The following PPP2R2B variants were observed in gnomAD, a reference collection of about 807,000 sequenced individuals.
PPP2R2B encodes protein phosphatase 2 regulatory subunit Bbeta.
A neutral mutation model predicts 46.0 loss-of-function variants in PPP2R2B; 5 were observed. That is an observed-to-expected ratio of 0.11 (90% CI 0.06 to 0.23). The LOEUF (loss-of-function observed/expected upper bound fraction) is 0.23, where lower values mean the gene tolerates loss of function less well. PPP2R2B is among the 10% of genes least tolerant of loss of function. The pLI is 1.00. For missense variants in PPP2R2B, 367 were observed against 575.0 expected (o/e 0.64, Z 3.70); for synonymous variants, 215 against 206.7 (o/e 1.04, Z -0.34).
At chr5:146,971,720 T>C (rs999805081) in intron 1 of PPP2R2B, among the ~76,000 whole-genome samples, 4 of 152,214 alleles carry the variant, frequency 2.6e-5, no homozygotes, top group Admixed American at 6.5e-5. Context: ...TGAAATACTG[T>C]TTTCCTACAG....
intron 2 of PPP2R2B, among the ~76,000 whole-genome samples, chr5:146,713,103 A>G (rs1780299120): frequency 6.6e-6 from 1 of 152,190 alleles, no homozygotes; most frequent in Non-Finnish European, 1.5e-5. Context: ...CAGGACTGGC[A>G]TTTTCAGGGA....
chr5:146,717,967 T>A (rs1195244955), intron 2 of PPP2R2B, among the ~76,000 whole-genome samples: 2 of 152,232 alleles, frequency 1.3e-5, no homozygotes, highest in Non-Finnish European at 2.9e-5. Context: ...CATTGTTCTT[T>A]ATAGTACTCT....
chr5:146,714,600 C>G (rs925828175), intron 2 of PPP2R2B, among the ~76,000 whole-genome samples: 1 of 152,082 alleles, frequency 6.6e-6, no homozygotes, highest in African/African-American at 2.4e-5. Context: ...GAGGACTGGT[C>G]GCCACTAACA....
At chr5:146,661,643 C>G (rs994829477) in intron 5 of PPP2R2B, among the ~76,000 whole-genome samples, 2 of 152,130 alleles carry the variant, frequency 1.3e-5, no homozygotes, top group Non-Finnish European at 2.9e-5. Flanking sequence ...ATTTCATGCT[C>G]TTTGTGTCAT....
intron 2 of PPP2R2B, among the ~76,000 whole-genome samples, chr5:146,720,755 A>G (rs1339017594): frequency 6.6e-6 from 1 of 152,220 alleles, no homozygotes; most frequent in African/African-American, 2.4e-5. Flanking sequence ...AGTCAATATT[A>G]AATCTGAATA....
intron 1 of PPP2R2B, among the ~76,000 whole-genome samples, chr5:146,910,325 T>C (rs961916766): frequency 6.6e-6 from 1 of 152,246 alleles, no homozygotes; most frequent in Non-Finnish European, 1.5e-5. Context: ...ATTTATGAGC[T>C]ACAATGCCCA....
chr5:146,953,185 T>C (rs1751703408), intron 1 of PPP2R2B, among the ~76,000 whole-genome samples: 1 of 152,206 alleles, frequency 6.6e-6, no homozygotes, highest in African/African-American at 2.4e-5. Context: ...AAACTACTGA[T>C]TGTGAATAAA....
At chr5:146,898,651 G>A (rs1762725492) in intron 1 of PPP2R2B, among the ~76,000 whole-genome samples, 1 of 140,830 alleles carries the variant, frequency 7.1e-6, no homozygotes, top group South Asian at 2.4e-4. Context: ...AAGAGCTTCT[G>A]CACAGCAAAA....
intron 2 of PPP2R2B, among the ~76,000 whole-genome samples, chr5:146,862,372 T>G (rs1327867223): frequency 6.6e-6 from 1 of 152,256 alleles, no homozygotes; most frequent in Non-Finnish European, 1.5e-5. Flanking sequence ...GGTCACTGCC[T>G]TCTTGGAGTG....
At chr5:147,053,060 T>C (rs1251455985) in intron 1 of PPP2R2B, among the ~76,000 whole-genome samples, 3 of 151,916 alleles carry the variant, frequency 2.0e-5, no homozygotes, top group African/African-American at 7.3e-5. Flanking sequence ...TGCTATGTCA[T>C]TTTGAATGTA....
intron 1 of PPP2R2B, among the ~76,000 whole-genome samples, chr5:146,930,155 G>A (rs1345851643): frequency 3.3e-5 from 5 of 152,060 alleles, no homozygotes; most frequent in South Asian, 2.1e-4. Context: ...ATGGAGGGCC[G>A]CTTTAGATTG....
rs934833224 is a variant in PPP2R2B, at chr5:146,586,873, C to T, written c.*3074G>A. ...TTTTTTCTAACTAATCTTCCTCCTC[C>T]TGACAGAAGAGTACGAATGTCTACC... On this transcript the variant is annotated 3_prime_UTR_variant, in exon 10 of 10. Transcript: ENST00000394411. 1 of 152,180 alleles carries T rather than the reference C, an allele frequency of 6.6e-6. No individual in the cohort carries two copies. Among genetic ancestry groups the T allele is most frequent in the Non-Finnish European group, 1.5e-5 (1 of 68,048 alleles). The allele number at this position is 152,180 out of a possible 1,614,324, so 9.4% of individuals were successfully genotyped here.
intron 2 of PPP2R2B, among the ~76,000 whole-genome samples, chr5:146,863,394 C>T (rs980121271): frequency 2.6e-5 from 4 of 152,066 alleles, no homozygotes; most frequent in African/African-American, 7.2e-5. Flanking sequence ...TAAACTGGCA[C>T]CATTGATGAG....
At chr5:147,064,831 G>A (rs1757372668) in intron 2 of PPP2R2B, among the ~76,000 whole-genome samples, 1 of 152,108 alleles carries the variant, frequency 6.6e-6, no homozygotes, top group African/African-American at 2.4e-5. Context: ...TAAACTATAA[G>A]GCATTCCATA....
chr5:146,712,152 C>T (rs183898851), intron 2 of PPP2R2B, among the ~76,000 whole-genome samples: 11 of 152,208 alleles, frequency 7.2e-5, no homozygotes, highest in East Asian at 1.9e-4. Context: ...TATTATGTTA[C>T]GATGGTTTTT....
chr5:146,798,269 C>T (rs750042717), intron 2 of PPP2R2B, among the ~76,000 whole-genome samples: 37 of 152,146 alleles, frequency 2.4e-4, no homozygotes, highest in Non-Finnish European at 4.0e-4. Context: ...GACTTACCCT[C>T]TTCTCTCCTC....
At chr5:146,754,608 T>A (rs995708795) in intron 2 of PPP2R2B, among the ~76,000 whole-genome samples, 1 of 152,214 alleles carries the variant, frequency 6.6e-6, no homozygotes, top group African/African-American at 2.4e-5. Flanking sequence ...GAATATGGCA[T>A]AAATGACAAG....
At chr5:146,889,261 C>G (rs990055491) in intron 1 of PPP2R2B, among the ~76,000 whole-genome samples, 3 of 152,096 alleles carry the variant, frequency 2.0e-5, no homozygotes, top group Non-Finnish European at 4.4e-5. Context: ...TGGAGGTAAT[C>G]TGTATCATAT....
chr5:146,875,894 C>T (rs1424259132), intron 2 of PPP2R2B, among the ~76,000 whole-genome samples: 1 of 152,166 alleles, frequency 6.6e-6, no homozygotes, highest in Non-Finnish European at 1.5e-5. Flanking sequence ...GACTCTTCCC[C>T]CTCTGGCAAC....
Sources: allele counts gnomAD v4.1 joint callset (sites outside exome capture counted in the v4.1 genomes callset), GRCh38; gene constraint gnomAD v4.1.1; transcripts MANE v1.5; gene names NCBI Gene and HGNC (gene_info 2026-07-23, HGNC 2026-07-21).